The following STK35 variants were observed in gnomAD, a reference collection of about 807,000 sequenced individuals.
The protein encoded by STK35 is serine/threonine kinase 35, also known as serine/threonine-protein kinase 35.
STK35 carries 17 observed loss-of-function variants against 37.3 expected under a neutral mutation model. The observed-to-expected ratio is 0.46, with a 90% CI of 0.31 to 0.68. STK35 has a LOEUF of 0.68. Ranked by LOEUF, STK35 falls within the 30% of genes least tolerant of loss-of-function variation. STK35 has a pLI of 0.05. For missense variants in STK35, 595 were observed against 746.7 expected (o/e 0.80, Z 2.37); for synonymous variants, 385 against 319.1 (o/e 1.21, Z -2.20).
At position 2,148,116 on chromosome 20, in the gene STK35, C is replaced by T. The variant is rs1426195296; in HGVS notation, c.*4370C>T. 4 of 151,978 alleles carry T rather than the reference C, an allele frequency of 2.6e-5. No individual in the cohort carries two copies. Among genetic ancestry groups the T allele is most frequent in the South Asian group, 2.1e-4 (1 of 4,814 alleles). The allele number at this position is 151,978 out of a possible 1,614,324, so 9.4% of individuals were successfully genotyped here. On this transcript the variant is annotated 3_prime_UTR_variant, in exon 4 of 4. Coordinates refer to ENST00000381482, the MANE Select transcript of STK35 (RefSeq NM_080836.4). ...GACGGTATCAGCAGGGAGGCCGTCC[C>T]GCTGGTTTTCTAGGAGAGCCCACAG...
At chr20:2,135,341 G>A (rs1209923646) in intron 3 of STK35, among the ~76,000 whole-genome samples, 1 of 152,208 alleles carries the variant, frequency 6.6e-6, no homozygotes, top group Non-Finnish European at 1.5e-5. Context: ...GTGGACCCCT[G>A]CTGAGCAGGG....
At chr20:2,139,156 C>T (rs1050741307) in intron 3 of STK35, among the ~76,000 whole-genome samples, 2 of 152,188 alleles carry the variant, frequency 1.3e-5, no homozygotes, top group African/African-American at 4.8e-5. Flanking sequence ...GAGGTGAACA[C>T]GTGAGCCATC....
intron 3 of STK35, among the ~76,000 whole-genome samples, chr20:2,138,857 C>T (rs1986129288): frequency 6.6e-6 from 1 of 152,000 alleles, no homozygotes; most frequent in Admixed American, 6.6e-5. Context: ...GACCCCGTCC[C>T]TACAAAAATA....
chr20:2,104,443 G>A (rs2122537309), intron 2 of STK35, among the ~76,000 whole-genome samples: 1 of 152,290 alleles, frequency 6.6e-6, no homozygotes, highest in South Asian at 2.1e-4. Flanking sequence ...CTTGATCAGG[G>A]TTAATCCGCT....
Position 2,134,806 on chromosome 20 carries a change from G to A in STK35, c.*38-8978G>A, listed in dbSNP as rs536400271. On this transcript the variant is annotated intron_variant, in intron 3 of 3. Transcript: ENST00000381482. ...CTCGGGAGGCTGAGGCAGGAGAATC[G>A]CTTGAACCCGGGAGGTGGAGGTTGC... 4.1e-3 allele frequency among the ~76,000 whole-genome samples: 629 copies of A among 152,150 alleles called. 2 individuals are homozygous for A. Among genetic ancestry groups the A allele is most frequent in the African/African-American group, 0.014 (599 of 41,534 alleles).
chr20:2,123,718 G>A (rs149086269), intron 3 of STK35, among the ~76,000 whole-genome samples: 48 of 152,268 alleles, frequency 3.2e-4, no homozygotes, highest in African/African-American at 1.0e-3. Context: ...GTCTCTGTAG[G>A]GTAAATTTTA....
At chr20:2,118,839 A>C (rs1231934905) in intron 3 of STK35, among the ~76,000 whole-genome samples, 3 of 152,260 alleles carry the variant, frequency 2.0e-5, no homozygotes, top group Non-Finnish European at 2.9e-5. Context: ...TATTCAGTAC[A>C]GTAACATGCT....
In STK35 at chr20:2,117,493, CGGGTGCAGT is replaced by C; in HGVS notation, c.*37+81_*37+89del. The C allele has an allele frequency of 7.6e-6, 6 of 785,116 alleles. No individual in the cohort carries two copies. Among genetic ancestry groups the C allele is most frequent in the Admixed American group, 3.0e-5 (1 of 33,872 alleles). 48.6% of individuals were successfully genotyped at this position (785,116 alleles called of 1,614,324 possible). A position where few individuals can be genotyped will look rare whatever the true frequency, so the allele number is the denominator to read the frequency against. On this transcript the variant is annotated intron_variant, in intron 3 of 3. Transcript: ENST00000381482. The surrounding 1 kb of genome is among the most constrained non-coding windows in gnomAD (Gnocchi z 4.4). ...CTCTGTTGGTCAGGCTGGGGTGCAG[CGGGTGCAGT>C]GGCAGGATCTCAGCTCACTGCAACC... is the stretch of plus-strand genomic sequence containing the variant.
In STK35 at chr20:2,144,717, C is replaced by T. The variant is rs1314445552; in HGVS notation, c.*971C>T. ...ACTGCCTCCTGGATTGTCATCTTCC[C>T]AGATGTGTCCCATAGTGTCCAGGTG... On this transcript the variant is annotated 3_prime_UTR_variant, in exon 4 of 4. Coordinates refer to ENST00000381482, the MANE Select transcript of STK35 (RefSeq NM_080836.4). 6.5e-6 allele frequency: 1 copy of T among 152,996 alleles called. No homozygotes were observed. The highest frequency in any genetic ancestry group is 1.5e-5 in the Non-Finnish European group (1 of 68,148). The allele number at this position is 152,996 out of a possible 1,614,324, so 9.5% of individuals were successfully genotyped here.
At chr20:2,106,184 G>A (rs572971682) in intron 2 of STK35, among the ~76,000 whole-genome samples, 9 of 152,192 alleles carry the variant, frequency 5.9e-5, no homozygotes, top group Admixed American at 1.3e-4. Flanking sequence ...AAAATTTAGG[G>A]GTCTTGATCT....
intron 2 of STK35, among the ~76,000 whole-genome samples, chr20:2,110,723 T>A (rs1353766820): frequency 6.6e-6 from 1 of 152,200 alleles, no homozygotes; most frequent in African/African-American, 2.4e-5. Context: ...TCCTAATTAG[T>A]CCTCTGCTGA....
chr20:2,112,514 T>C (rs1370299334), intron 2 of STK35, among the ~76,000 whole-genome samples: 2 of 152,174 alleles, frequency 1.3e-5, no homozygotes, highest in Non-Finnish European at 2.9e-5. Flanking sequence ...GAACACTTTT[T>C]AGCCCTCTGT....
chr20:2,129,386 C>T (rs1985960518), intron 3 of STK35, among the ~76,000 whole-genome samples: 1 of 152,158 alleles, frequency 6.6e-6, no homozygotes. Context: ...GCCAGGCACG[C>T]AGCAGGTACC....
At chr20:2,110,845 C>T (rs1481407876) in intron 2 of STK35, among the ~76,000 whole-genome samples, 1 of 152,134 alleles carries the variant, frequency 6.6e-6, no homozygotes, top group Non-Finnish European at 1.5e-5. Flanking sequence ...TCCAGGTGTG[C>T]GATTTTGCTG....
At chr20:2,121,433 GT>G (rs1985814900) in intron 3 of STK35, among the ~76,000 whole-genome samples, 1 of 152,168 alleles carries the variant, frequency 6.6e-6, no homozygotes, top group Non-Finnish European at 1.5e-5. Context: ...GTCAGCCTAA[GT>G]GATGGGAAGA....
intron 3 of STK35, among the ~76,000 whole-genome samples, chr20:2,118,721 C>T (rs933969324): frequency 6.6e-6 from 1 of 152,232 alleles, no homozygotes; most frequent in African/African-American, 2.4e-5. Flanking sequence ...ATTCCTATTA[C>T]CTAGTGATGT....
chr20:2,143,421 G>A lies in STK35; in HGVS notation c.*38-363G>A, dbSNP rs554737216. The stretch of plus-strand genomic sequence containing the variant: ...GCATGAGTGGAAGCAGTGCTGGCAA[G>A]GTCTGTGGGGACAGACTATCCAGGG... On this transcript the variant is annotated intron_variant, in intron 3 of 3. Coordinates refer to ENST00000381482, the MANE Select transcript of STK35 (RefSeq NM_080836.4). Among the ~76,000 whole-genome samples the A allele has an allele frequency of 3.7e-4, 57 of 152,300 alleles. 1 individual carries two copies. The Middle Eastern group carries it at 0.017, about 45-fold the overall frequency.
In STK35 at chr20:2,127,988, C is replaced by T. The variant is rs1985935271; in HGVS notation, c.*37+10573C>T. On this transcript the variant is annotated intron_variant, in intron 3 of 3. Transcript: ENST00000381482. ...TCTTCAACCCCTTGTGTCCTCTCTG[C>T]TCCTCCTCACTTGATCCCACCCCCC... Among the ~76,000 whole-genome samples the T allele has an allele frequency of 2.6e-5, 4 of 152,312 alleles. No homozygotes were observed. The South Asian group carries it at 8.3e-4, about 32-fold the overall frequency.
chr20:2,110,130 G>A (rs1985590822), intron 2 of STK35, among the ~76,000 whole-genome samples: 1 of 152,242 alleles, frequency 6.6e-6, no homozygotes, highest in African/African-American at 2.4e-5. Flanking sequence ...TTGGGAAGAT[G>A]TGCCAGGATG....
Sources: allele counts gnomAD v4.1 joint callset (sites outside exome capture counted in the v4.1 genomes callset), GRCh38; gene constraint gnomAD v4.1.1; non-coding constraint Gnocchi (gnomAD v3.1); transcripts MANE v1.5; gene names NCBI Gene and HGNC (gene_info 2026-07-23, HGNC 2026-07-21).